KIAA0825: variants seen among roughly 807,000 people sequenced by gnomAD.
KIAA0825 encodes the protein KIAA0825.
KIAA0825 carries 119 observed loss-of-function variants against 147.6 expected under a neutral mutation model. The ratio of observed to expected loss-of-function variants is 0.81; its 90% CI spans 0.69 to 0.94. The LOEUF (loss-of-function observed/expected upper bound fraction) is 0.94, where lower values mean the gene tolerates loss of function less well. Among genes scored for constraint, KIAA0825 ranks in the 40% least tolerant of loss-of-function variants. The probability of loss-of-function intolerance (pLI) is 0.00; values close to 1 mark genes in which losing one functional copy is unlikely to be tolerated. For synonymous variants in KIAA0825, 470 were observed against 518.1 expected (o/e 0.91, Z 1.26); for missense variants, 1,381 against 1,472.7 (o/e 0.94, Z 1.02).
rs547958181 is a variant in KIAA0825, at chr5:94,433,304, G to A, written c.2497+6678C>T. On this transcript the variant is annotated intron_variant, in intron 14 of 20. Coordinates refer to ENST00000682413, the MANE Select transcript of KIAA0825 (RefSeq NM_001145678.3). The stretch of plus-strand genomic sequence containing the variant: ...AGCCTCCCAAAGTGCTGGGATTACA[G>A]GCGTGAGCCACCGTGCCCGGCGATT... Among the ~76,000 whole-genome samples the A allele has an allele frequency of 3.7e-4, 57 of 152,362 alleles. No individual in the cohort carries two copies. The East Asian group carries it at 9.8e-3, about 26-fold the overall frequency.
At chr5:94,568,679 C>T (rs77113739) in intron 2 of KIAA0825, 1,994 of 152,652 alleles carry the variant, frequency 0.013, 44 homozygotes, top group African/African-American at 0.045. Context: ...AAAAAACCCA[C>T]TGTGTACATT....
chr5:94,180,197 C>A (rs1223644800), intron 20 of KIAA0825, among the ~76,000 whole-genome samples: 1 of 151,958 alleles, frequency 6.6e-6, no homozygotes, highest in Non-Finnish European at 1.5e-5. Context: ...ATCCCTGATA[C>A]AATAAACTGA....
chr5:94,580,605 G>A (rs1160254629), intron 2 of KIAA0825, among the ~76,000 whole-genome samples: 2 of 35,204 alleles, frequency 5.7e-5, no homozygotes, highest in African/African-American at 2.6e-4. Context: ...GGCCGGGCGC[G>A]GTGGCTCACG....
chr5:94,435,038 T>C (rs1756159102), intron 14 of KIAA0825, among the ~76,000 whole-genome samples: 2 of 152,178 alleles, frequency 1.3e-5, no homozygotes, highest in Non-Finnish European at 2.9e-5. Flanking sequence ...TACATGTACT[T>C]CATATTTCTG....
intron 1 of KIAA0825, among the ~76,000 whole-genome samples, chr5:94,609,674 T>C (rs555941994): frequency 4.9e-4 from 75 of 152,008 alleles, no homozygotes; most frequent in African/African-American, 1.8e-3. Context: ...AAGCAACATA[T>C]AAACTGAGCC....
chr5:94,547,253 T>C (rs1174831825), intron 2 of KIAA0825, among the ~76,000 whole-genome samples: 4 of 152,026 alleles, frequency 2.6e-5, no homozygotes, highest in South Asian at 2.1e-4. Flanking sequence ...CTAAGAGTTA[T>C]TGGCCTTAAA....
At chr5:94,342,020 C>T (rs549559876) in intron 20 of KIAA0825, among the ~76,000 whole-genome samples, 22 of 152,000 alleles carry the variant, frequency 1.4e-4, no homozygotes, top group African/African-American at 1.9e-4. Flanking sequence ...GGTGAAACCC[C>T]GTCTCTACTA....
chr5:94,256,614 C>T (rs566552014), intron 20 of KIAA0825, among the ~76,000 whole-genome samples: 4 of 151,978 alleles, frequency 2.6e-5, no homozygotes, highest in East Asian at 1.9e-4. Flanking sequence ...TTAATAAATT[C>T]GTGTTTGATA....
intron 20 of KIAA0825, among the ~76,000 whole-genome samples, chr5:94,254,539 GA>G (rs1225581812): frequency 1.3e-5 from 2 of 152,184 alleles, no homozygotes; most frequent in Non-Finnish European, 2.9e-5. Flanking sequence ...GTACAAAAAT[GA>G]GGTTTTTAAA....
chr5:94,496,776 G>A (rs2151096781), intron 5 of KIAA0825, among the ~76,000 whole-genome samples: 1 of 152,328 alleles, frequency 6.6e-6, no homozygotes, highest in Non-Finnish European at 1.5e-5. Flanking sequence ...ACAGGGGATT[G>A]AGGCCCTGAA....
chr5:94,231,541 G>A (rs1317570803), intron 20 of KIAA0825, among the ~76,000 whole-genome samples: 1 of 151,970 alleles, frequency 6.6e-6, no homozygotes. Flanking sequence ...AGTTCACTAG[G>A]TACATAAGAA....
At chr5:94,444,554 G>C (rs1757498357) in intron 13 of KIAA0825, among the ~76,000 whole-genome samples, 1 of 151,974 alleles carries the variant, frequency 6.6e-6, no homozygotes, top group Admixed American at 6.6e-5. Flanking sequence ...CAAGGATGAA[G>C]GTCTCGGTGA....
At chr5:94,453,201 C>T (rs2042001) in intron 12 of KIAA0825, 132 bp from the exon 13 acceptor site, 30,408 of 592,628 alleles carry the variant, frequency 0.051, 1,081 homozygotes, top group East Asian at 0.13. Flanking sequence ...GAGACAGAGT[C>T]TTGCTCTGTC....
At chr5:94,183,158 C>A (rs1769818632) in intron 20 of KIAA0825, among the ~76,000 whole-genome samples, 1 of 152,146 alleles carries the variant, frequency 6.6e-6, no homozygotes, top group Admixed American at 6.6e-5. Context: ...TATTCCTCAT[C>A]ATTCAGCTAA....
At chr5:94,507,291 A>G (rs889014757) in intron 5 of KIAA0825, among the ~76,000 whole-genome samples, 1 of 152,166 alleles carries the variant, frequency 6.6e-6, no homozygotes, top group African/African-American at 2.4e-5. Context: ...CTGCTAAAAT[A>G]CAAAAAATTA....
chr5:94,222,707 T>C (rs1773777290), intron 20 of KIAA0825, among the ~76,000 whole-genome samples: 1 of 152,192 alleles, frequency 6.6e-6, no homozygotes, highest in South Asian at 2.1e-4. Flanking sequence ...AAAGCAGGCA[T>C]CTTTGAATTT....
chr5:94,318,342 T>A (rs898100237), intron 20 of KIAA0825, among the ~76,000 whole-genome samples: 1 of 151,844 alleles, frequency 6.6e-6, no homozygotes, highest in Admixed American at 6.6e-5. Context: ...AAACCATTCT[T>A]CAATTGTAGT....
intron 1 of KIAA0825, among the ~76,000 whole-genome samples, chr5:94,595,947 C>T (rs1785230211): frequency 6.6e-6 from 1 of 152,154 alleles, no homozygotes. Flanking sequence ...TGCTCTAGTT[C>T]CCAACAAGTT....
At chr5:94,561,193 T>C (rs749944826) in intron 2 of KIAA0825, among the ~76,000 whole-genome samples, 4 of 152,210 alleles carry the variant, frequency 2.6e-5, no homozygotes, top group Non-Finnish European at 5.9e-5. Context: ...TAAAAATTCT[T>C]AAACAAGGAG....
Sources: gnomAD v4.1 joint callset for allele counts (sites outside exome capture counted in the v4.1 genomes callset) on GRCh38, gnomAD v4.1.1 for gene constraint, MANE v1.5 for transcripts, NCBI Gene and HGNC (gene_info 2026-07-23, HGNC 2026-07-21) for gene names.